Variants in CCSER1 observed in about 807,000 individuals in gnomAD.
CCSER1 encodes the protein coiled-coil serine rich protein 1, also known as serine-rich coiled-coil domain-containing protein 1.
CCSER1 carries 41 observed loss-of-function variants against 82.0 expected under a neutral mutation model. That is an observed-to-expected ratio of 0.50 (90% CI 0.39 to 0.65). The LOEUF is 0.65. Among genes scored for constraint, CCSER1 ranks in the 30% least tolerant of loss-of-function variants. CCSER1 has a pLI of 0.00. For missense variants in CCSER1, 1,119 were observed against 1,064.2 expected, an observed-to-expected ratio of 1.05 and a Z score of -0.72; for synonymous variants, 414 against 383.9, an observed-to-expected ratio of 1.08 and a Z score of -0.92.
chr4:90,979,783 G>A (rs577648338), intron 9 of CCSER1, among the ~76,000 whole-genome samples: 3 of 151,868 alleles, frequency 2.0e-5, no homozygotes, highest in South Asian at 2.1e-4. Context: ...TCCATTTCAC[G>A]TTTACATTGG....
chr4:90,373,211 C>G (rs200685550), intron 3 of CCSER1, among the ~76,000 whole-genome samples: 4 of 151,836 alleles, frequency 2.6e-5, no homozygotes, highest in Non-Finnish European at 5.9e-5. Flanking sequence ...AATGAAGTGA[C>G]GAGACATATA....
chr4:91,251,746 C>T (rs951801410), intron 10 of CCSER1, among the ~76,000 whole-genome samples: 3 of 152,040 alleles, frequency 2.0e-5, no homozygotes, highest in South Asian at 2.1e-4. Flanking sequence ...ATATTACATA[C>T]GTATATAGAA....
intron 10 of CCSER1, among the ~76,000 whole-genome samples, chr4:91,498,042 G>T (rs1326250934): frequency 6.6e-6 from 1 of 151,974 alleles, no homozygotes; most frequent in Non-Finnish European, 1.5e-5. Context: ...GATACATTAA[G>T]AAGCACAGCT....
intron 6 of CCSER1, among the ~76,000 whole-genome samples, chr4:90,643,759 C>T (rs1016109572): frequency 3.3e-5 from 5 of 151,974 alleles, no homozygotes; most frequent in Admixed American, 2.0e-4. Context: ...TAATTTAATT[C>T]AGTTTTGTTT....
At chr4:90,556,134 G>T (rs183186814) in intron 5 of CCSER1, among the ~76,000 whole-genome samples, 6 of 152,078 alleles carry the variant, frequency 3.9e-5, no homozygotes, top group African/African-American at 9.6e-5. Flanking sequence ...GGAAAATCAG[G>T]CTTATCCATT....
intron 9 of CCSER1, among the ~76,000 whole-genome samples, chr4:90,943,131 A>G (rs1485274542): frequency 2.6e-5 from 4 of 151,902 alleles, no homozygotes; most frequent in Non-Finnish European, 5.9e-5. Context: ...CTTTCTTCCT[A>G]ATGAGGCTGG....
chr4:91,362,027 T>C (rs563569174), intron 10 of CCSER1, among the ~76,000 whole-genome samples: 2 of 151,896 alleles, frequency 1.3e-5, no homozygotes, highest in East Asian at 3.9e-4. Flanking sequence ...TAAGGATATG[T>C]GGGCAGGTAA....
intron 8 of CCSER1, among the ~76,000 whole-genome samples, chr4:90,880,925 A>C (rs566988827): frequency 2.0e-5 from 3 of 152,012 alleles, no homozygotes; most frequent in South Asian, 2.1e-4. Flanking sequence ...ATTAGTCCCA[A>C]TGCAAGTACT....
At chr4:90,707,883 C>G (rs1739704394) in intron 6 of CCSER1, among the ~76,000 whole-genome samples, 1 of 152,150 alleles carries the variant, frequency 6.6e-6, no homozygotes, top group African/African-American at 2.4e-5. Flanking sequence ...AGCATCCTAG[C>G]ACTCTGTAGC....
intron 10 of CCSER1, among the ~76,000 whole-genome samples, chr4:91,593,728 T>C (rs1764384349): frequency 6.6e-6 from 1 of 152,122 alleles, no homozygotes; most frequent in Non-Finnish European, 1.5e-5. Flanking sequence ...GTCTGTCAAA[T>C]GCCAAACAAG....
chr4:90,484,473 C>G lies in CCSER1; in HGVS notation c.1724+16119C>G, dbSNP rs1766646124. Among the ~76,000 whole-genome samples, 3 of 152,222 alleles carry G rather than the reference C, an allele frequency of 2.0e-5. 1 individual carries two copies. The South Asian group carries it at 6.2e-4, about 32-fold the overall frequency. ...TTGATTTTTAGAGTTTCTGGTTTTT[C>G]TGCTCTGTTTTTTCCCCATCTTTGT... On this transcript the variant is annotated intron_variant, in intron 5 of 10. Coordinates refer to ENST00000509176, the MANE Select transcript of CCSER1 (RefSeq NM_001145065.2).
At chr4:91,363,787 T>C (rs1749425819) in intron 10 of CCSER1, among the ~76,000 whole-genome samples, 1 of 151,810 alleles carries the variant, frequency 6.6e-6, no homozygotes, top group South Asian at 2.1e-4. Flanking sequence ...TATATTTATT[T>C]CTGTATCAGG....
At chr4:91,134,438 C>A (rs569054734) in intron 10 of CCSER1, among the ~76,000 whole-genome samples, 2 of 140,382 alleles carry the variant, frequency 1.4e-5, no homozygotes, top group Non-Finnish European at 3.0e-5. Flanking sequence ...AAAACAAAAA[C>A]AAACAAAAAA....
chr4:91,529,387 A>G (rs564413029), intron 10 of CCSER1, among the ~76,000 whole-genome samples: 4 of 152,212 alleles, frequency 2.6e-5, no homozygotes, highest in African/African-American at 9.6e-5. Context: ...ATTAAATGTT[A>G]ATTCTAAGTT....
chr4:90,351,560 A>G (rs1743439420), intron 3 of CCSER1, among the ~76,000 whole-genome samples: 1 of 152,220 alleles, frequency 6.6e-6, no homozygotes, highest in African/African-American at 2.4e-5. Flanking sequence ...ATTTTTTTAG[A>G]AAATAGTGAA....
intron 10 of CCSER1, among the ~76,000 whole-genome samples, chr4:91,381,447 T>A (rs919457860): frequency 3.3e-5 from 5 of 152,104 alleles, no homozygotes; most frequent in African/African-American, 7.2e-5. Flanking sequence ...TGTTCATTTA[T>A]TTTTACTCTT....
chr4:90,392,346 A>T (rs990292965), intron 3 of CCSER1, among the ~76,000 whole-genome samples: 1 of 152,088 alleles, frequency 6.6e-6, no homozygotes, highest in Non-Finnish European at 1.5e-5. Flanking sequence ...AAATTCATAT[A>T]AATTATGAAT....
intron 3 of CCSER1, among the ~76,000 whole-genome samples, chr4:90,361,933 GTTTC>G (rs903695075): frequency 2.6e-5 from 4 of 152,144 alleles, no homozygotes; most frequent in Non-Finnish European, 4.4e-5. Context: ...GATATATACA[GTTTC>G]TTTCTTGAGC....
chr4:90,267,816 A>G (rs1029266572), intron 1 of CCSER1, among the ~76,000 whole-genome samples: 4 of 152,198 alleles, frequency 2.6e-5, no homozygotes, highest in Non-Finnish European at 5.9e-5. Context: ...TCAGTGAACA[A>G]AACTTTAGAC....
Sources: gnomAD v4.1 joint callset for allele counts (sites outside exome capture counted in the v4.1 genomes callset) on GRCh38, gnomAD v4.1.1 for gene constraint, MANE v1.5 for transcripts, NCBI Gene and HGNC (gene_info 2026-07-23, HGNC 2026-07-21) for gene names.